Variants in ARSG observed in about 807,000 individuals in gnomAD.
The protein encoded by ARSG is ASG.
In ARSG, 37 loss-of-function variants were observed where a neutral mutation model predicts 50.5. That is an observed-to-expected ratio of 0.73 (90% CI 0.56 to 0.96). The LOEUF (loss-of-function observed/expected upper bound fraction) is 0.96, where lower values mean the gene tolerates loss of function less well. Among genes scored for constraint, ARSG ranks in the 50% least tolerant of loss-of-function variants. The pLI, the probability that ARSG is intolerant of heterozygous loss-of-function variation, is 0.00. For synonymous variants in ARSG, 225 were observed against 254.6 expected, an observed-to-expected ratio of 0.88 and a Z score of 1.11; for missense variants, 629 against 675.3, an observed-to-expected ratio of 0.93 and a Z score of 0.76.
At chr17:68,421,957 C>T, downstream of ARSG, 1 of 1,013,472 alleles carries the variant, frequency 9.9e-7, no homozygotes, top group South Asian at 1.3e-5. Context: ...TCTGAACTCG[C>T]TCATGGCCAC....
At chr17:68,425,744 C>T (rs1344710953), downstream of ARSG, among the ~76,000 whole-genome samples, 3 of 152,176 alleles carry the variant, frequency 2.0e-5, no homozygotes, top group African/African-American at 2.4e-5. Context: ...AGACAAGTCA[C>T]GTGTTCCTAC....
At position 68,351,003 on chromosome 17, in the gene ARSG, G is replaced by A. The variant is rs192272949; in HGVS notation, c.455-572G>A. On this transcript the variant is annotated intron_variant, in intron 4 of 11. Coordinates refer to ENST00000621439, the MANE Select transcript of ARSG (RefSeq NM_001267727.2). ...GCTGAAAGGCAGTATCTTTCAAGGC[G>A]CATTTTGAGATTCCTGCCCCATCCC... Among the ~76,000 whole-genome samples the A allele has an allele frequency of 2.9e-3, 441 of 151,828 alleles. 2 individuals are homozygous for A. The highest frequency in any genetic ancestry group is 3.1e-3 in the Non-Finnish European group (209 of 67,996).
intron 11 of ARSG, among the ~76,000 whole-genome samples, chr17:68,406,055 C>T (rs1336232102): frequency 1.3e-5 from 2 of 152,120 alleles, no homozygotes; most frequent in Non-Finnish European, 2.9e-5. Context: ...ACTTTACCCC[C>T]AAGTCCCCAA....
intron 2 of ARSG, among the ~76,000 whole-genome samples, chr17:68,310,965 C>T (rs2076830178): frequency 6.6e-6 from 1 of 152,138 alleles, no homozygotes; most frequent in Admixed American, 6.5e-5. Context: ...CTTTAGGAGG[C>T]CAAGGTGGGC....
rs1568506967 is a variant in ARSG, at chr17:68,352,151, GAGAGAGAGAGAC to G, written c.566+477_566+488del. On this transcript the variant is annotated intron_variant, in intron 5 of 11. Coordinates refer to ENST00000621439, the MANE Select transcript of ARSG (RefSeq NM_001267727.2). ...GAGAGAGAGAGACAGAGGAGAGAGAGAGAGAGAGAGACAGAGAGAGAGAGAGAGAGAGACAGA... is the reference window on the plus strand; with the variant it reads ...GAGAGAGAGAGACAGAGGAGAGAGAGAGAGAGAGAGAGAGAGAGAGACAGA... Among the ~76,000 whole-genome samples, 706 of 131,748 alleles carry G rather than the reference GAGAGAGAGAGAC, an allele frequency of 5.4e-3. 57 individuals carry two copies. Among genetic ancestry groups the G allele is most frequent in the African/African-American group, 0.019 (673 of 34,544 alleles). The allele number at this position is 131,748 out of a possible 152,430, so 86.4% of individuals were successfully genotyped here.
intron 6 of ARSG, among the ~76,000 whole-genome samples, chr17:68,368,088 G>A (rs1227514943): frequency 2.6e-5 from 4 of 152,100 alleles, no homozygotes; most frequent in African/African-American, 9.6e-5. Context: ...AAGAAAGAAA[G>A]GAATGAGAGG....
chr17:68,395,949 T>C (rs1448877828), intron 10 of ARSG, among the ~76,000 whole-genome samples: 1 of 151,746 alleles, frequency 6.6e-6, no homozygotes, highest in Admixed American at 6.6e-5. Context: ...AGCAAGGGCC[T>C]TACATCCAAC....
intron 8 of ARSG, 130 bp downstream of exon 8, chr17:68,370,654 C>A (rs2079793755): frequency 2.6e-6 from 2 of 769,900 alleles, no homozygotes; most frequent in Non-Finnish European, 2.1e-6. Flanking sequence ...AACAGGGACA[C>A]ATTTGCTCAC....
intron 2 of ARSG, among the ~76,000 whole-genome samples, chr17:68,314,452 G>C (rs2076991574): frequency 6.6e-6 from 1 of 151,630 alleles, no homozygotes; most frequent in African/African-American, 2.4e-5. Context: ...TTTGAACCCG[G>C]GAGGCGGAAG....
the ARSG span, chr17:68,444,508 G>T: frequency 3.0e-5 from 48 of 1,613,724 alleles, no homozygotes; most frequent in African/African-American, 5.5e-4. Context: ...GGGTTTGCAG[G>T]AATATCCAGG....
chr17:68,382,241 G>A (rs766096992), intron 8 of ARSG, among the ~76,000 whole-genome samples: 8 of 152,072 alleles, frequency 5.3e-5, no homozygotes, highest in Admixed American at 2.0e-4. Context: ...CACTGCACCC[G>A]GCCGGCTCTA....
intron 3 of ARSG, among the ~76,000 whole-genome samples, chr17:68,346,406 T>A (rs761914387): frequency 6.6e-6 from 1 of 152,188 alleles, no homozygotes; most frequent in Non-Finnish European, 1.5e-5. Flanking sequence ...ATCTCTCGTT[T>A]GAGCGGTTTA....
the ARSG span, chr17:68,450,800 G>A: frequency 6.2e-7 from 1 of 1,614,098 alleles, no homozygotes; most frequent in Middle Eastern, 1.7e-4. Context: ...CTTTCTTGAA[G>A]TGATACACGT....
intron 2 of ARSG, among the ~76,000 whole-genome samples, chr17:68,327,268 G>A (rs1178963828): frequency 7.9e-5 from 12 of 152,132 alleles, no homozygotes; most frequent in Admixed American, 2.6e-4. Flanking sequence ...GAGACACGCA[G>A]GGAGGTGTAC....
Position 68,307,598 on chromosome 17 carries a change from G to A in ARSG, c.105G>A (p.Lys35=), listed in dbSNP as rs1484737066. Reference sequence around the variant, plus strand: ...TCAGTGGGAAAACAAGAGGACAGAAGCCAAACTTTGTGATTATTTTGGCCG... The same window carrying A: ...TCAGTGGGAAAACAAGAGGACAGAAACCAAACTTTGTGATTATTTTGGCCG... ...FCISGKTRGQ[K]PNFVIILADD... Residue 35 remains lysine (K), a synonymous_variant, in exon 2 of 12, where the codon AAG becomes AAA. Transcript: ENST00000621439. 19 of 1,613,980 alleles carry A rather than the reference G, an allele frequency of 1.2e-5. 1 individual carries two copies. The East Asian group carries it at 4.2e-4, about 36-fold the overall frequency.
At chr17:68,417,032 G>C (rs772689700) in intron 11 of ARSG, among the ~76,000 whole-genome samples, 12 of 152,124 alleles carry the variant, frequency 7.9e-5, no homozygotes, top group Non-Finnish European at 1.5e-4. Context: ...ATTTTTTGGG[G>C]AGTGTCAAAG....
intron 11 of ARSG, chr17:68,413,567 G>A (rs2147414510): frequency 6.6e-6 from 1 of 152,256 alleles, no homozygotes; most frequent in South Asian, 2.1e-4. Context: ...CTGTCTTTTT[G>A]TTTGTCTGTG....
At chr17:68,427,733 C>CAAAG in the ARSG span, among the ~76,000 whole-genome samples, 1 of 152,196 alleles carries the variant, frequency 6.6e-6, no homozygotes, top group Non-Finnish European at 1.5e-5. Flanking sequence ...ATTGGCTAGA[C>CAAAG]AAAGATTAGT....
At chr17:68,347,970 C>A (rs189084000) in intron 4 of ARSG, among the ~76,000 whole-genome samples, 1 of 152,160 alleles carries the variant, frequency 6.6e-6, no homozygotes, top group African/African-American at 2.4e-5. Context: ...CTAGACCTGG[C>A]GGAAGGTTTG....
Sources: gnomAD v4.1 joint callset for allele counts (sites outside exome capture counted in the v4.1 genomes callset) on GRCh38, gnomAD v4.1.1 for gene constraint, MANE v1.5 for transcripts, NCBI Gene and HGNC (gene_info 2026-07-23, HGNC 2026-07-21) for gene names.